The following KLF8 variants were observed in gnomAD, a reference collection of about 807,000 sequenced individuals.
The protein encoded by KLF8 is KLF transcription factor 8.
KLF8 carries 10 observed loss-of-function variants against 18.2 expected under a neutral mutation model. The ratio of observed to expected loss-of-function variants is 0.55; its 90% confidence interval spans 0.34 to 0.93. The LOEUF is 0.93. Ranked by LOEUF, KLF8 falls within the 40% of genes least tolerant of loss-of-function variation. KLF8 has a pLI of 0.02. For synonymous variants in KLF8, 109 were observed against 97.3 expected, an observed-to-expected ratio of 1.12 and a Z score of -0.71; for missense variants, 264 against 277.9, an observed-to-expected ratio of 0.95 and a Z score of 0.36.
At chrX:55,920,700 T>C in the KLF8 span, among the ~76,000 whole-genome samples, 1 of 110,682 alleles carries the variant, frequency 9.0e-6, no homozygotes, top group East Asian at 2.8e-4. Context: ...ACTTTTGAAT[T>C]AACCCAGTCC....
At chrX:55,910,151 C>T in the KLF8 span, among the ~76,000 whole-genome samples, 1 of 111,740 alleles carries the variant, frequency 8.9e-6, no homozygotes, top group East Asian at 2.8e-4. Context: ...ACTCAGCGGT[C>T]CAGGGTAGGG....
Position 56,278,781 on chromosome X carries a change from C to T in KLF8, c.899-5532C>T, listed in dbSNP as rs752078933. ...TACTGCCTTTCAAGTTAATTCAAGG[C>T]CCCAGAGCACTTTATCTCATAGTGG... On this transcript the variant is annotated intron_variant, in intron 5 of 5. Coordinates refer to ENST00000468660, the MANE Select transcript of KLF8 (RefSeq NM_007250.5). Among the ~76,000 whole-genome samples, 16 of 111,907 alleles carry T rather than the reference C, an allele frequency of 1.4e-4. No individual in the cohort carries two copies. The South Asian group carries it at 3.8e-3, about 26-fold the overall frequency.
chrX:55,919,744 C>T, the KLF8 span, among the ~76,000 whole-genome samples: 1 of 111,592 alleles, frequency 9.0e-6, no homozygotes, highest in South Asian at 3.8e-4. Flanking sequence ...AGGCTGAGCT[C>T]AGACATGCCT....
chrX:56,220,705 C>T, the KLF8 span, among the ~76,000 whole-genome samples: 1 of 111,466 alleles, frequency 9.0e-6, no homozygotes, highest in East Asian at 2.8e-4. Context: ...CCAGGCTGAT[C>T]TCGAACTCCT....
the KLF8 span, among the ~76,000 whole-genome samples, chrX:56,107,857 C>T: frequency 2.1e-4 from 24 of 111,856 alleles, no homozygotes; most frequent in Admixed American, 2.8e-4. Context: ...CATCTTAGAA[C>T]GGATCCCCGG....
At chrX:56,127,488 C>T in the KLF8 span, among the ~76,000 whole-genome samples, 1 of 110,284 alleles carries the variant, frequency 9.1e-6, no homozygotes, top group East Asian at 2.9e-4. Context: ...TGGTGAGACC[C>T]TGTCTTTACA....
the KLF8 span, among the ~76,000 whole-genome samples, chrX:56,220,218 A>G: frequency 8.9e-6 from 1 of 112,276 alleles, no homozygotes; most frequent in East Asian, 2.8e-4. Context: ...AAAGAGCAAG[A>G]CCTAGGCCAT....
chrX:55,965,789 C>T, the KLF8 span, among the ~76,000 whole-genome samples: 10 of 111,620 alleles, frequency 9.0e-5, no homozygotes, highest in Non-Finnish European at 1.5e-4. Context: ...TTCACAATAC[C>T]CACAAAAGAA....
At chrX:56,071,613 G>T in the KLF8 span, among the ~76,000 whole-genome samples, 3 of 111,703 alleles carry the variant, frequency 2.7e-5, no homozygotes, top group Non-Finnish European at 5.7e-5. Flanking sequence ...AATTATTTTA[G>T]TGGAATAAAG....
the KLF8 span, among the ~76,000 whole-genome samples, chrX:56,165,684 G>A: frequency 1.5e-4 from 17 of 111,282 alleles, no homozygotes; most frequent in South Asian, 1.5e-3. Context: ...GGACAACATA[G>A]TGAGACCTCA....
At chrX:56,099,863 T>C in the KLF8 span, among the ~76,000 whole-genome samples, 1 of 112,116 alleles carries the variant, frequency 8.9e-6, no homozygotes, top group Admixed American at 9.5e-5. Flanking sequence ...GCCATTTCCA[T>C]AACATAAAAG....
the KLF8 span, among the ~76,000 whole-genome samples, chrX:56,154,905 A>G: frequency 8.9e-6 from 1 of 112,224 alleles, no homozygotes; most frequent in Non-Finnish European, 1.9e-5. Context: ...CCACAATGAG[A>G]TACCATCTCA....
chrX:55,932,022 A>G, the KLF8 span, among the ~76,000 whole-genome samples: 1 of 110,619 alleles, frequency 9.0e-6, no homozygotes, highest in East Asian at 2.8e-4. Flanking sequence ...GTAAGTCTCT[A>G]AGAACTTGCG....
chrX:56,149,463 A>G, the KLF8 span, among the ~76,000 whole-genome samples: 5 of 110,547 alleles, frequency 4.5e-5, 1 homozygote, highest in African/African-American at 1.6e-4. Context: ...CAAGGGCTGA[A>G]AAGCTACCTA....
At chrX:55,979,094 GA>G in the KLF8 span, among the ~76,000 whole-genome samples, 1 of 110,365 alleles carries the variant, frequency 9.1e-6, no homozygotes, top group Admixed American at 9.6e-5. Flanking sequence ...TAGGGCGAGA[GA>G]GAGAGAGAGA....
chrX:56,019,117 T>C, the KLF8 span, among the ~76,000 whole-genome samples: 1 of 111,666 alleles, frequency 9.0e-6, no homozygotes, highest in Non-Finnish European at 1.9e-5. Flanking sequence ...TTGAATTCTG[T>C]ATAGAAGGAG....
chrX:55,923,807 A>G, the KLF8 span, among the ~76,000 whole-genome samples: 1 of 109,639 alleles, frequency 9.1e-6, no homozygotes, highest in Non-Finnish European at 1.9e-5. Context: ...TACATCATAG[A>G]ACATTCATGT....
chrX:55,938,355 A>T, the KLF8 span, among the ~76,000 whole-genome samples: 1 of 111,791 alleles, frequency 8.9e-6, no homozygotes, highest in Non-Finnish European at 1.9e-5. Context: ...GGCCTGCCCT[A>T]AAAGAGCTCC....
chrX:55,994,113 C>T, the KLF8 span, among the ~76,000 whole-genome samples: 225 of 109,647 alleles, frequency 2.1e-3, 1 homozygote, highest in Middle Eastern at 4.6e-3. Context: ...GGTTTCACCG[C>T]GTTAGCCAGG....
Sources: gnomAD v4.1 joint callset for allele counts (sites outside exome capture counted in the v4.1 genomes callset) on GRCh38, gnomAD v4.1.1 for gene constraint, MANE v1.5 for transcripts, NCBI Gene and HGNC (gene_info 2026-07-23, HGNC 2026-07-21) for gene names.